The following NHS variants were observed in gnomAD, a reference collection of about 807,000 sequenced individuals.
NHS encodes the protein actin remodeling regulator NHS.
In NHS, 5 loss-of-function variants were observed where a neutral mutation model predicts 72.5. That is an observed-to-expected ratio of 0.07 (90% CI 0.04 to 0.14). The LOEUF (loss-of-function observed/expected upper bound fraction) is 0.14, where lower values mean the gene tolerates loss of function less well. NHS is among the 10% of genes least tolerant of loss of function. NHS has a pLI of 1.00. For synonymous variants in NHS, 464 were observed against 547.7 expected, an observed-to-expected ratio of 0.85 and a Z score of 2.13; for missense variants, 1,072 against 1,355.7, an observed-to-expected ratio of 0.79 and a Z score of 3.29.
chrX:17,725,326 T>C, intron 6 of NHS, 21 bp from the exon 7 acceptor site: 1 of 1,191,932 alleles, frequency 8.4e-7, no homozygotes, highest in African/African-American at 1.7e-5. Flanking sequence ...AATATCTCAC[T>C]GTGCTTTCCA....
chrX:17,399,655 A>T (rs921426298), intron 1 of NHS, among the ~76,000 whole-genome samples: 2 of 111,656 alleles, frequency 1.8e-5, no homozygotes, highest in African/African-American at 6.5e-5. Context: ...CTAGATATTG[A>T]AGATACAAAT....
intron 1 of NHS, among the ~76,000 whole-genome samples, chrX:17,589,694 C>A (rs191575847): frequency 9.2e-6 from 1 of 109,131 alleles, no homozygotes; most frequent in Admixed American, 1.0e-4. Context: ...TGGGTACATA[C>A]CCAGTAGTGG....
At chrX:17,413,307 C>T (rs1265531121) in intron 1 of NHS, among the ~76,000 whole-genome samples, 1 of 112,142 alleles carries the variant, frequency 8.9e-6, no homozygotes, top group Non-Finnish European at 1.9e-5. Context: ...GTTTATGTAG[C>T]GTTGTCATTG....
chrX:17,549,688 T>C (rs1477856107), intron 1 of NHS, among the ~76,000 whole-genome samples: 4 of 111,777 alleles, frequency 3.6e-5, no homozygotes, highest in Non-Finnish European at 1.9e-5. Flanking sequence ...GGGCACCATT[T>C]ATTCTCCAAG....
At chrX:17,510,466 G>A (rs772577094) in intron 1 of NHS, among the ~76,000 whole-genome samples, 28 of 112,288 alleles carry the variant, frequency 2.5e-4, no homozygotes, top group Non-Finnish European at 2.4e-4. Flanking sequence ...AAGATGTCAC[G>A]TGAAGATGAT....
intron 1 of NHS, among the ~76,000 whole-genome samples, chrX:17,421,792 G>T (rs1444795329): frequency 3.6e-5 from 4 of 111,486 alleles, no homozygotes; most frequent in African/African-American, 1.3e-4. Flanking sequence ...GGCCAGGCTG[G>T]TCTTGAACTC....
rs145925210 is a variant in NHS at position 17,394,866 on chromosome X, G to A, written c.565+18544G>A. Among the ~76,000 whole-genome samples the A allele has an allele frequency of 3.1e-3, 349 of 111,433 alleles. 1 individual carries two copies. Among genetic ancestry groups the A allele is most frequent in the African/African-American group, 0.011 (341 of 30,673 alleles). On this transcript the variant is annotated intron_variant, in intron 1 of 8. Transcript: ENST00000676302. Reference sequence around the variant, plus strand: ...TTCACACATACCACCCCGACATTTCGTGTGTGACTGCCTTCTGCTAGTACA... The same window carrying A: ...TTCACACATACCACCCCGACATTTCATGTGTGACTGCCTTCTGCTAGTACA...
intron 1 of NHS, among the ~76,000 whole-genome samples, chrX:17,618,587 A>G (rs2065757758): frequency 8.9e-6 from 1 of 112,359 alleles, no homozygotes; most frequent in Non-Finnish European, 1.9e-5. Context: ...TGCAATGTAC[A>G]GACTTAAATT....
At chrX:17,404,482 T>C (rs184941533) in intron 1 of NHS, among the ~76,000 whole-genome samples, 1 of 111,926 alleles carries the variant, frequency 8.9e-6, no homozygotes, top group East Asian at 2.8e-4. Flanking sequence ...TAATCCATTC[T>C]CTACACTCCT....
At chrX:17,635,364 C>A in intron 1 of NHS, 1 of 1,126,474 alleles carries the variant, frequency 8.9e-7, no homozygotes, top group Non-Finnish European at 1.2e-6. Flanking sequence ...CCATCTCCCC[C>A]TCCAGGGGGG....
At chrX:17,440,231 C>T (rs1433887679) in intron 1 of NHS, among the ~76,000 whole-genome samples, 1 of 98,022 alleles carries the variant, frequency 1.0e-5, no homozygotes, top group Non-Finnish European at 2.0e-5. Flanking sequence ...TGTACTCCAG[C>T]CTAGGCAACC....
chrX:17,734,688 C>T lies in NHS; in HGVS notation c.*2224C>T, dbSNP rs1336919955. The T allele has an allele frequency of 2.7e-5, 3 of 112,456 alleles. No individual in the cohort carries two copies. The Admixed American group carries it at 2.8e-4, about 11-fold the overall frequency. 9.3% of individuals were successfully genotyped at this position (112,456 alleles called of 1,213,427 possible). On this transcript the variant is annotated 3_prime_UTR_variant, in exon 9 of 9. Coordinates refer to ENST00000676302, the MANE Select transcript of NHS (RefSeq NM_001291867.2). ...CATTGGAACCCATTAATTAAGAAAA[C>T]CAGCATGGTTTGACACCACATGGGA...
chrX:17,403,737 T>G lies in NHS; in HGVS notation c.565+27415T>G, dbSNP rs1197642756. ...ATAAGACTCTGTCCCCTTTTAAGGTTGTGCTTTAAATAGAAATCTGCCCCA... is the reference window on the plus strand; with the variant it reads ...ATAAGACTCTGTCCCCTTTTAAGGTGGTGCTTTAAATAGAAATCTGCCCCA... On this transcript the variant is annotated intron_variant, in intron 1 of 8. Coordinates refer to ENST00000676302, the MANE Select transcript of NHS (RefSeq NM_001291867.2). Among the ~76,000 whole-genome samples, 3 of 112,022 alleles carry G rather than the reference T, an allele frequency of 2.7e-5. No homozygotes were observed. In the Admixed American group the frequency reaches 2.8e-4, roughly 11 times the overall value.
chrX:17,624,074 G>A (rs764125898), intron 1 of NHS, among the ~76,000 whole-genome samples: 1 of 112,971 alleles, frequency 8.9e-6, no homozygotes, highest in East Asian at 2.8e-4. Context: ...GAGATGCTGT[G>A]TGTGTTGTAA....
At chrX:17,566,701 T>G (rs1364160780) in intron 1 of NHS, among the ~76,000 whole-genome samples, 6 of 111,596 alleles carry the variant, frequency 5.4e-5, no homozygotes, top group East Asian at 2.8e-4. Flanking sequence ...TTTTTTTTTT[T>G]TTTATTCCAG....
At chrX:17,385,697 G>A (rs1471334960) in intron 1 of NHS, among the ~76,000 whole-genome samples, 1 of 111,147 alleles carries the variant, frequency 9.0e-6, no homozygotes, top group Admixed American at 9.6e-5. Context: ...TTACCCATAT[G>A]GTAGCATTTT....
chrX:17,616,595 G>A (rs2065748395), intron 1 of NHS, among the ~76,000 whole-genome samples: 1 of 112,204 alleles, frequency 8.9e-6, no homozygotes, highest in East Asian at 2.8e-4. Flanking sequence ...CATATTTTTT[G>A]TATTGTCTTC....
At chrX:17,540,294 G>A (rs1180339061) in intron 1 of NHS, among the ~76,000 whole-genome samples, 1 of 111,777 alleles carries the variant, frequency 8.9e-6, no homozygotes, top group Non-Finnish European at 1.9e-5. Flanking sequence ...GGTAGACATA[G>A]CATTATGCCT....
At chrX:17,378,886 G>T (rs1261775312) in intron 1 of NHS, among the ~76,000 whole-genome samples, 1 of 111,724 alleles carries the variant, frequency 9.0e-6, no homozygotes, top group Non-Finnish European at 1.9e-5. Flanking sequence ...CCAGGGCCAG[G>T]TAGAGAGATG....
Sources: gnomAD v4.1 joint callset for allele counts (sites outside exome capture counted in the v4.1 genomes callset) on GRCh38, gnomAD v4.1.1 for gene constraint, MANE v1.5 for transcripts, NCBI Gene and HGNC (gene_info 2026-07-23, HGNC 2026-07-21) for gene names.